Variants in PTPRD observed in about 807,000 individuals in gnomAD.
PTPRD encodes the protein protein tyrosine phosphatase receptor type D.
In PTPRD, 34 loss-of-function variants were observed where a neutral mutation model predicts 214.5. That is an observed-to-expected ratio of 0.16 (90% CI 0.12 to 0.21). The LOEUF is 0.21. PTPRD is among the 10% of genes least tolerant of loss of function. The pLI, the probability that PTPRD is intolerant of heterozygous loss-of-function variation, is 1.00. For missense variants in PTPRD, 2,545 were observed against 2,398.7 expected (o/e 1.06, Z -1.27); for synonymous variants, 1,128 against 845.7 (o/e 1.33, Z -5.79).
chr9:9,449,434 T>C (rs1445658690), intron 8 of PTPRD, among the ~76,000 whole-genome samples: 1 of 151,972 alleles, frequency 6.6e-6, no homozygotes, highest in Non-Finnish European at 1.5e-5. Context: ...AAGCTACCAG[T>C]AGTGAATTGT....
chr9:8,355,542 G>C (rs2076760271), intron 39 of PTPRD, among the ~76,000 whole-genome samples: 1 of 152,182 alleles, frequency 6.6e-6, no homozygotes, highest in South Asian at 2.1e-4. Flanking sequence ...AGAGAGGACA[G>C]GGTTTGCCTC....
At chr9:9,261,762 G>A (rs1448494445) in intron 9 of PTPRD, among the ~76,000 whole-genome samples, 2 of 151,600 alleles carry the variant, frequency 1.3e-5, no homozygotes, top group Non-Finnish European at 2.9e-5. Flanking sequence ...CATTGGAAAA[G>A]TCTAGCTATA....
chr9:10,383,123 G>C (rs193121645), intron 2 of PTPRD, among the ~76,000 whole-genome samples: 19 of 151,922 alleles, frequency 1.3e-4, no homozygotes, highest in African/African-American at 3.4e-4. Context: ...CACTTAGCTT[G>C]TCTTTATATT....
At chr9:8,815,225 C>T (rs2096896958) in intron 11 of PTPRD, among the ~76,000 whole-genome samples, 1 of 151,838 alleles carries the variant, frequency 6.6e-6, no homozygotes, top group Non-Finnish European at 1.5e-5. Flanking sequence ...CTGATATAAG[C>T]TGTTTCCCGT....
At chr9:10,373,817 T>C (rs1220507173) in intron 2 of PTPRD, among the ~76,000 whole-genome samples, 1 of 152,118 alleles carries the variant, frequency 6.6e-6, no homozygotes, top group African/African-American at 2.4e-5. Flanking sequence ...ATGTCAACAA[T>C]TAGCTGGAGC....
intron 2 of PTPRD, among the ~76,000 whole-genome samples, chr9:10,567,622 A>G (rs1400116025): frequency 6.6e-6 from 1 of 152,054 alleles, no homozygotes; most frequent in Non-Finnish European, 1.5e-5. Context: ...CTGATAGTCA[A>G]ATGGAATAAA....
chr9:8,331,852 A>C, intron 43 of PTPRD, 116 bp from the exon 44 acceptor site: 2 of 1,247,192 alleles, frequency 1.6e-6, no homozygotes, highest in Non-Finnish European at 2.2e-6. Context: ...GGGTAGAAAA[A>C]GTTAGGAACA....
In PTPRD at chr9:8,724,279, T is replaced by C. The variant is rs536618581; in HGVS notation, c.64+9501A>G. Among the ~76,000 whole-genome samples the C allele has an allele frequency of 2.2e-3, 333 of 152,334 alleles. 2 individuals carry two copies. Among genetic ancestry groups the C allele is most frequent in the Middle Eastern group, 0.014 (4 of 294 alleles). The stretch of plus-strand genomic sequence containing the variant: ...TAGGTCCCTTCTTAACATGGTTTTC[T>C]CCTTCACTCTAAATTTTAACAATCT... On this transcript the variant is annotated intron_variant, in intron 12 of 45. Coordinates refer to ENST00000381196, the MANE Select transcript of PTPRD (RefSeq NM_002839.4).
At chr9:10,234,619 C>T (rs1213429406) in intron 3 of PTPRD, among the ~76,000 whole-genome samples, 1 of 130,502 alleles carries the variant, frequency 7.7e-6, no homozygotes, top group African/African-American at 2.5e-5. Flanking sequence ...ATGAAAACTT[C>T]TGGAAATGCA....
intron 2 of PTPRD, chr9:10,532,068 CA>C (rs2056512610): frequency 6.6e-6 from 1 of 152,082 alleles, no homozygotes; most frequent in Non-Finnish European, 1.5e-5. Context: ...GTTTGTAAAA[CA>C]AGCATTAATT....
chr9:8,394,420 T>C (rs2090512400), intron 36 of PTPRD, among the ~76,000 whole-genome samples: 1 of 152,144 alleles, frequency 6.6e-6, no homozygotes, highest in African/African-American at 2.4e-5. Context: ...CATTACACTG[T>C]AGGTAAAGTC....
intron 7 of PTPRD, among the ~76,000 whole-genome samples, chr9:9,731,008 A>G (rs973168803): frequency 2.0e-5 from 3 of 152,052 alleles, no homozygotes; most frequent in Non-Finnish European, 2.9e-5. Context: ...AATTGCCAGA[A>G]CTACACACAC....
chr9:8,515,871 A>T (rs544719275), intron 21 of PTPRD, among the ~76,000 whole-genome samples: 2 of 152,284 alleles, frequency 1.3e-5, no homozygotes, highest in South Asian at 2.1e-4. Flanking sequence ...AGCACTAGAA[A>T]ACAAATAGAA....
chr9:8,316,560 T>C lies in PTPRD; in HGVS notation c.*1314A>G, dbSNP rs1405570287. 2 of 230,862 alleles carry C rather than the reference T, an allele frequency of 8.7e-6. No homozygotes were observed. Among genetic ancestry groups the C allele is most frequent in the Non-Finnish European group, 1.7e-5 (2 of 116,278 alleles). 14.3% of individuals were successfully genotyped at this position (230,862 alleles called of 1,614,324 possible). On this transcript the variant is annotated 3_prime_UTR_variant, in exon 46 of 46. Coordinates refer to ENST00000381196, the MANE Select transcript of PTPRD (RefSeq NM_002839.4). ...CTCGATAGCTGATATATTACAACAT[T>C]CTCCCCTCCTAAAGGGATATGCACT...
At position 9,885,830 on chromosome 9, in the gene PTPRD, T is replaced by G. The variant is rs375913351; in HGVS notation, c.-368+52677A>C. On this transcript the variant is annotated intron_variant, in intron 5 of 45. Transcript: ENST00000381196. The stretch of plus-strand genomic sequence containing the variant: ...TTTTGTATGCTTTGTGCCTGTAAAT[T>G]TGTGGTAATTTGTTACAGCCACAAC... 5.3e-5 allele frequency among the ~76,000 whole-genome samples: 8 copies of G among 151,974 alleles called. No homozygotes were observed. The East Asian group carries it at 5.8e-4, about 11-fold the overall frequency.
chr9:9,959,720 G>T (rs567811244), intron 4 of PTPRD, among the ~76,000 whole-genome samples: 1 of 152,132 alleles, frequency 6.6e-6, no homozygotes, highest in Non-Finnish European at 1.5e-5. Flanking sequence ...CAGGGTACAG[G>T]TTAACAATTC....
intron 11 of PTPRD, among the ~76,000 whole-genome samples, chr9:8,967,877 A>G (rs1202199508): frequency 6.6e-6 from 1 of 151,982 alleles, no homozygotes; most frequent in Non-Finnish European, 1.5e-5. Context: ...AGCATTAGGT[A>G]TATCTCCTAA....
At chr9:8,477,747 C>T (rs2096794185) in intron 30 of PTPRD, among the ~76,000 whole-genome samples, 3 of 152,138 alleles carry the variant, frequency 2.0e-5, no homozygotes, top group Admixed American at 6.5e-5. Flanking sequence ...TAAGGTTTGT[C>T]TGGGGCAGTC....
chr9:9,597,534 A>T (rs2093442421), intron 7 of PTPRD, among the ~76,000 whole-genome samples: 1 of 152,186 alleles, frequency 6.6e-6, no homozygotes, highest in African/African-American at 2.4e-5. Context: ...AATGTCTGTT[A>T]TAGGAATATT....
Sources: allele counts gnomAD v4.1 joint callset (sites outside exome capture counted in the v4.1 genomes callset), GRCh38; gene constraint gnomAD v4.1.1; transcripts MANE v1.5; gene names NCBI Gene and HGNC (gene_info 2026-07-23, HGNC 2026-07-21).